Variants in PRKG1 observed in about 807,000 individuals in gnomAD.
PRKG1 encodes protein kinase cGMP-dependent 1, also known as cGMP-dependent protein kinase 1.
A neutral mutation model predicts 88.1 loss-of-function variants in PRKG1; 35 were observed. The ratio of observed to expected loss-of-function variants is 0.40; its 90% CI spans 0.30 to 0.53. The LOEUF is 0.53. PRKG1 is among the 20% of genes least tolerant of loss of function. The probability of loss-of-function intolerance (pLI) is 0.59; values close to 1 mark genes in which losing one functional copy is unlikely to be tolerated. For missense variants in PRKG1, 540 were observed against 839.8 expected (o/e 0.64, Z 4.41); for synonymous variants, 303 against 292.5 (o/e 1.04, Z -0.37).
At chr10:51,545,147 T>C (rs2132118306) in intron 3 of PRKG1, among the ~76,000 whole-genome samples, 1 of 152,232 alleles carries the variant, frequency 6.6e-6, no homozygotes, top group East Asian at 1.9e-4. Flanking sequence ...ACACTTAATA[T>C]GTGCATCATT....
intron 5 of PRKG1, among the ~76,000 whole-genome samples, chr10:51,945,312 A>G (rs1040204741): frequency 2.0e-5 from 3 of 151,182 alleles, no homozygotes; most frequent in Non-Finnish European, 2.9e-5. Flanking sequence ...TGCTTGGTAG[A>G]TCTTCCTCCA....
intron 4 of PRKG1, among the ~76,000 whole-genome samples, chr10:51,866,237 A>C (rs1165929584): frequency 6.6e-6 from 1 of 152,038 alleles, no homozygotes; most frequent in Non-Finnish European, 1.5e-5. Context: ...ATTTTCTGAG[A>C]TATAATTTAC....
At chr10:52,144,532 C>T (rs997324530) in intron 8 of PRKG1, among the ~76,000 whole-genome samples, 1 of 152,262 alleles carries the variant, frequency 6.6e-6, no homozygotes, top group Non-Finnish European at 1.5e-5. Context: ...AGTCTAGGGC[C>T]AGGCACAGTG....
chr10:52,032,998 T>C (rs1400599445), intron 5 of PRKG1, among the ~76,000 whole-genome samples: 1 of 152,190 alleles, frequency 6.6e-6, no homozygotes, highest in Non-Finnish European at 1.5e-5. Context: ...CACTACTTTG[T>C]TAAATTTTTT....
At chr10:52,122,810 A>G (rs1847849718) in intron 7 of PRKG1, among the ~76,000 whole-genome samples, 1 of 152,208 alleles carries the variant, frequency 6.6e-6, no homozygotes, top group Non-Finnish European at 1.5e-5. Context: ...TAATGACTAG[A>G]TAGAAAGAAC....
intron 3 of PRKG1, among the ~76,000 whole-genome samples, chr10:51,538,435 T>A (rs75196595): frequency 2.6e-5 from 2 of 77,750 alleles, no homozygotes; most frequent in Non-Finnish European, 5.8e-5. Context: ...ATATGATATA[T>A]AATAATGTAT....
chr10:51,139,793 CT>C (rs1347832687), intron 1 of PRKG1, among the ~76,000 whole-genome samples: 1 of 152,144 alleles, frequency 6.6e-6, no homozygotes, highest in Non-Finnish European at 1.5e-5. Flanking sequence ...TTTCCTTCTC[CT>C]CTCCTTCCAC....
chr10:52,279,007 G>A (rs1356449486), intron 12 of PRKG1, among the ~76,000 whole-genome samples: 1 of 151,990 alleles, frequency 6.6e-6, no homozygotes, highest in East Asian at 1.9e-4. Flanking sequence ...TCTCCATTGA[G>A]AAGGGATTTA....
chr10:51,074,755 A>T lies in PRKG1; in HGVS notation c.165A>T (p.Pro55=), dbSNP rs761986596. The T allele has an allele frequency of 8.2e-5, 133 of 1,613,976 alleles. No homozygotes were observed. The highest frequency in any genetic ancestry group is 1.1e-4 in the Non-Finnish European group (133 of 1,179,974). The change falls in exon 1 of 18, where the codon CCA becomes CCT. Residue 55 remains proline, a synonymous_variant. Coordinates refer to ENST00000373980, the MANE Select transcript of PRKG1 (RefSeq NM_006258.4). The part of the protein sequence containing the change: ...ELDKYRSVIR[P]ATQQAQKQSA... ...ACAAGTACCGCTCGGTGATCCGACC[A>T]GCCACCCAGCAGGCGCAGAAGCAGA...
chr10:52,025,350 T>C (rs1028387479), intron 5 of PRKG1, among the ~76,000 whole-genome samples: 6 of 152,338 alleles, frequency 3.9e-5, no homozygotes, highest in Non-Finnish European at 8.8e-5. Context: ...ATTTGTCAAT[T>C]GTGGCTTTTG....
At chr10:51,382,107 A>C (rs898086365) in intron 2 of PRKG1, among the ~76,000 whole-genome samples, 4 of 152,080 alleles carry the variant, frequency 2.6e-5, no homozygotes, top group Non-Finnish European at 4.4e-5. Context: ...TTCAAACATC[A>C]TTATTTGTTT....
intron 1 of PRKG1, among the ~76,000 whole-genome samples, chr10:51,080,010 G>C (rs1403506830): frequency 6.6e-6 from 1 of 152,140 alleles, no homozygotes; most frequent in Non-Finnish European, 1.5e-5. Flanking sequence ...ACCTGAAGTT[G>C]TTTTTCGAAA....
intron 5 of PRKG1, among the ~76,000 whole-genome samples, chr10:52,019,594 G>C (rs969722154): frequency 5.9e-5 from 9 of 152,090 alleles, no homozygotes; most frequent in African/African-American, 2.2e-4. Flanking sequence ...TGTTAATGAG[G>C]ATATTTTATA....
chr10:51,214,827 T>C (rs536560971), intron 2 of PRKG1, among the ~76,000 whole-genome samples: 56 of 152,260 alleles, frequency 3.7e-4, no homozygotes, highest in African/African-American at 1.3e-3. Context: ...GCTTTGTTTT[T>C]ACAATCACTT....
intron 5 of PRKG1, among the ~76,000 whole-genome samples, chr10:51,993,514 A>G (rs1210774587): frequency 6.6e-6 from 1 of 152,200 alleles, no homozygotes; most frequent in African/African-American, 2.4e-5. Context: ...TGTGTTATAC[A>G]TTATGAGATT....
chr10:52,152,575 G>A (rs1285128047), intron 8 of PRKG1, among the ~76,000 whole-genome samples: 1 of 152,076 alleles, frequency 6.6e-6, no homozygotes, highest in African/African-American at 2.4e-5. Context: ...CCAGGCAGAA[G>A]ACAAAGGCCC....
intron 3 of PRKG1, among the ~76,000 whole-genome samples, chr10:51,705,013 T>C (rs991882869): frequency 3.6e-4 from 55 of 152,344 alleles, no homozygotes; most frequent in African/African-American, 1.3e-3. Context: ...CACACTCTGT[T>C]ACGTAGCTTC....
At chr10:50,995,363 G>A (rs1293744722) in intron 1 of PRKG1, among the ~76,000 whole-genome samples, 1 of 152,106 alleles carries the variant, frequency 6.6e-6, no homozygotes, top group East Asian at 1.9e-4. Flanking sequence ...AGGAAGATCT[G>A]AGCTCTCAGC....
At chr10:51,544,901 G>A (rs1217292706) in intron 3 of PRKG1, among the ~76,000 whole-genome samples, 1 of 151,870 alleles carries the variant, frequency 6.6e-6, no homozygotes. Context: ...CTCAAAAGAA[G>A]ACATTTATGC....
Sources: gnomAD v4.1 joint callset for allele counts (sites outside exome capture counted in the v4.1 genomes callset) on GRCh38, gnomAD v4.1.1 for gene constraint, MANE v1.5 for transcripts, NCBI Gene and HGNC (gene_info 2026-07-23, HGNC 2026-07-21) for gene names.